Variants in SHANK2 observed in about 807,000 individuals in gnomAD.
SHANK2 encodes SH3 and multiple ankyrin repeat domains 2, also known as SH3 and multiple ankyrin repeat domains protein 2.
Under a neutral mutation model 133.7 loss-of-function variants are expected in SHANK2, and 43 were observed. That is an observed-to-expected ratio of 0.32 (90% confidence interval 0.25 to 0.41). The LOEUF (loss-of-function observed/expected upper bound fraction) is 0.41. Ranked by LOEUF, SHANK2 falls within the 10% of genes least tolerant of loss-of-function variation. SHANK2 has a pLI of 1.00. For missense variants in SHANK2, 1,994 were observed against 2,235.8 expected, an observed-to-expected ratio of 0.89 and a Z score of 2.18; for synonymous variants, 1,017 against 952.8, an observed-to-expected ratio of 1.07 and a Z score of -1.24.
intron 17 of SHANK2, among the ~76,000 whole-genome samples, chr11:70,617,582 AC>A (rs781822627): frequency 5.9e-5 from 9 of 151,982 alleles, no homozygotes. Flanking sequence ...AAGCATAGGA[AC>A]CCTCAGAACC....
chr11:70,478,367 C>T (rs1288151212), intron 25 of SHANK2, among the ~76,000 whole-genome samples: 3 of 152,158 alleles, frequency 2.0e-5, no homozygotes, highest in African/African-American at 4.8e-5. Flanking sequence ...TCCCATGAGC[C>T]GCCTGTCAAG....
intron 2 of SHANK2, among the ~76,000 whole-genome samples, chr11:71,178,460 G>A (rs1191548393): frequency 2.6e-5 from 4 of 152,214 alleles, no homozygotes; most frequent in Admixed American, 2.6e-4. Flanking sequence ...AATGGGCACA[G>A]AGATTTTGTG....
intron 2 of SHANK2, among the ~76,000 whole-genome samples, chr11:71,207,913 T>C (rs534964960): frequency 6.6e-6 from 1 of 152,188 alleles, no homozygotes; most frequent in Non-Finnish European, 1.5e-5. Flanking sequence ...TTCCTCTGTG[T>C]TCCTGCCTGC....
intron 17 of SHANK2, among the ~76,000 whole-genome samples, chr11:70,658,380 A>G (rs1160884199): frequency 6.6e-6 from 1 of 152,094 alleles, no homozygotes; most frequent in Non-Finnish European, 1.5e-5. Flanking sequence ...GGCCCTCTGC[A>G]TTTCCATGAA....
intron 17 of SHANK2, among the ~76,000 whole-genome samples, chr11:70,658,391 G>C (rs782470232): frequency 1.6e-4 from 25 of 152,058 alleles, no homozygotes; most frequent in Non-Finnish European, 2.9e-4. Context: ...TTTCCATGAA[G>C]GTTACAAATC....
At chr11:70,705,556 A>T (rs1945645409) in intron 14 of SHANK2, 1 of 152,274 alleles carries the variant, frequency 6.6e-6, no homozygotes, top group Non-Finnish European at 1.5e-5. Flanking sequence ...AACACAGCAT[A>T]GCAGCAGGCA....
intron 10 of SHANK2, among the ~76,000 whole-genome samples, chr11:70,920,685 C>T (rs1950337475): frequency 6.6e-6 from 1 of 152,176 alleles, no homozygotes; most frequent in African/African-American, 2.4e-5. Context: ...GACAGCACGC[C>T]ACTGCAGGGG....
intron 17 of SHANK2, among the ~76,000 whole-genome samples, chr11:70,598,853 C>T (rs191580168): frequency 8.0e-5 from 12 of 150,488 alleles, no homozygotes; most frequent in South Asian, 4.2e-4. Flanking sequence ...ATTAATTATC[C>T]GCTTGCAATT....
chr11:71,143,351 T>C (rs1404780220), intron 3 of SHANK2, among the ~76,000 whole-genome samples: 3 of 152,240 alleles, frequency 2.0e-5, no homozygotes, highest in African/African-American at 7.2e-5. Flanking sequence ...GAATTTTGTA[T>C]TGGGGTATGC....
intron 11 of SHANK2, among the ~76,000 whole-genome samples, chr11:70,845,211 A>AG (rs1555062868): frequency 6.6e-6 from 1 of 150,432 alleles, no homozygotes; most frequent in African/African-American, 2.5e-5. Context: ...AAAAAAAAAA[A>AG]AAAAAAAAGA....
chr11:70,623,163 G>A (rs1377007033), intron 17 of SHANK2, among the ~76,000 whole-genome samples: 6 of 151,488 alleles, frequency 4.0e-5, no homozygotes, highest in East Asian at 1.9e-4. Flanking sequence ...GTGACAGAGC[G>A]AGATTTCGTC....
chr11:70,530,577 T>C (rs1175376192), intron 17 of SHANK2, among the ~76,000 whole-genome samples: 1 of 152,046 alleles, frequency 6.6e-6, no homozygotes, highest in Non-Finnish European at 1.5e-5. Flanking sequence ...TGCTGACACA[T>C]ACTACAACGT....
intron 1 of SHANK2, among the ~76,000 whole-genome samples, chr11:71,243,701 A>G (rs1294974192): frequency 6.6e-6 from 1 of 152,188 alleles, no homozygotes; most frequent in East Asian, 1.9e-4. Context: ...TCTCAAAAAA[A>G]TAATAACAAT....
chr11:71,163,511 G>A lies in SHANK2; in HGVS notation c.-12-16173C>T, dbSNP rs568765688. The stretch of plus-strand genomic sequence containing the variant: ...GGGCTTCCTGCACATCAGCCTACCA[G>A]CTAGGCCTACATTTTAGTATCTCTT... On this transcript the variant is annotated intron_variant, in intron 2 of 25. Coordinates refer to ENST00000601538, the MANE Select transcript of SHANK2 (RefSeq NM_012309.5). Among the ~76,000 whole-genome samples the A allele has an allele frequency of 9.8e-5, 15 of 152,300 alleles. No individual in the cohort carries two copies. The South Asian group carries it at 3.1e-3, about 32-fold the overall frequency.
chr11:70,748,820 C>T (rs1946697024), intron 14 of SHANK2, among the ~76,000 whole-genome samples: 1 of 152,122 alleles, frequency 6.6e-6, no homozygotes, highest in Admixed American at 6.5e-5. Context: ...AATAAGCTGG[C>T]GACCCCCTCC....
intron 14 of SHANK2, among the ~76,000 whole-genome samples, chr11:70,762,982 C>T (rs570862235): frequency 8.9e-4 from 135 of 152,296 alleles, no homozygotes; most frequent in African/African-American, 3.0e-3. Flanking sequence ...CCATGAGGCC[C>T]GGCCATACTG....
intron 25 of SHANK2, among the ~76,000 whole-genome samples, chr11:70,480,691 C>T (rs574581318): frequency 3.3e-5 from 5 of 152,360 alleles, no homozygotes; most frequent in Admixed American, 6.5e-5. Context: ...TGATTAGTGA[C>T]GGAATTGCTG....
intron 14 of SHANK2, among the ~76,000 whole-genome samples, chr11:70,702,361 CCAT>C (rs782502470): frequency 5.3e-5 from 8 of 150,486 alleles, no homozygotes; most frequent in Non-Finnish European, 8.9e-5. Context: ...ACCACCATCA[CCAT>C]CATCACCACC....
chr11:70,512,127 C>T (rs927383482), intron 17 of SHANK2, among the ~76,000 whole-genome samples: 1 of 152,200 alleles, frequency 6.6e-6, no homozygotes. Flanking sequence ...AAATGTGGCA[C>T]TATGGTGATT....
Sources: gnomAD v4.1 joint callset for allele counts (sites outside exome capture counted in the v4.1 genomes callset) on GRCh38, gnomAD v4.1.1 for gene constraint, MANE v1.5 for transcripts, NCBI Gene and HGNC (gene_info 2026-07-23, HGNC 2026-07-21) for gene names.